Variants in ANKRD11 observed in about 807,000 individuals in gnomAD.
ANKRD11 encodes ankyrin repeat domain-containing protein 11.
In ANKRD11, 17 loss-of-function variants were observed where a neutral mutation model predicts 195.7. That is an observed-to-expected ratio of 0.09 (90% CI 0.06 to 0.13). The LOEUF (loss-of-function observed/expected upper bound fraction) is 0.13. Ranked by LOEUF, ANKRD11 falls within the 10% of genes least tolerant of loss-of-function variation. The pLI, the probability that ANKRD11 is intolerant of heterozygous loss-of-function variation, is 1.00. For synonymous variants in ANKRD11, 1,953 were observed against 1,528.1 expected, an observed-to-expected ratio of 1.28 and a Z score of -6.49; for missense variants, 3,735 against 3,566.1, an observed-to-expected ratio of 1.05 and a Z score of -1.21.
At position 89,415,829 on chromosome 16, in the gene ANKRD11, C is replaced by CAAAAAAAAAAAAAAAAAAAAAAAAAAAA. The variant is rs71134220; in HGVS notation, c.-60+2454_-60+2455insTTTTTTTTTTTTTTTTTTTTTTTTTTTT. Among the ~76,000 whole-genome samples the CAAAAAAAAAAAAAAAAAAAAAAAAAAAA allele has an allele frequency of 3.3e-3, 133 of 39,710 alleles. 14 individuals carry two copies. Among genetic ancestry groups the CAAAAAAAAAAAAAAAAAAAAAAAAAAAA allele is most frequent in the Non-Finnish European group, 4.4e-3 (94 of 21,188 alleles). 26.1% of individuals were successfully genotyped at this position (39,710 alleles called of 152,430 possible). On this transcript the variant is annotated intron_variant, in intron 2 of 12. Coordinates refer to ENST00000301030, the MANE Select transcript of ANKRD11 (RefSeq NM_013275.6). ...TGCACAACAAAGCTAGACTCTGTCT[C>CAAAAAAAAAAAAAAAAAAAAAAAAAAAA]AAAAAAAAAAAAAAAAAAAAACAAT...
intron 2 of ANKRD11, among the ~76,000 whole-genome samples, chr16:89,334,172 A>AAG (rs1555545552): frequency 6.7e-6 from 1 of 148,974 alleles, no homozygotes; most frequent in African/African-American, 2.5e-5. Flanking sequence ...AAAAAAAAAA[A>AAG]ACAGAGAGAG....
At chr16:89,307,119 C>G (rs1212502930) in intron 3 of ANKRD11, among the ~76,000 whole-genome samples, 2 of 152,150 alleles carry the variant, frequency 1.3e-5, no homozygotes, top group South Asian at 4.1e-4. Flanking sequence ...ACACACACTG[C>G]CTTTCCCCAT....
At chr16:89,339,823 G>A (rs1031979362) in intron 2 of ANKRD11, 5 of 152,104 alleles carry the variant, frequency 3.3e-5, no homozygotes, top group African/African-American at 1.2e-4. Context: ...CCTCAGCGTC[G>A]ATCTGATTTT....
chr16:89,310,281 C>G (rs2036539276), intron 3 of ANKRD11, among the ~76,000 whole-genome samples: 1 of 152,194 alleles, frequency 6.6e-6, no homozygotes, highest in African/African-American at 2.4e-5. Context: ...GAGCTCTCTT[C>G]TGTTCCACTC....
At chr16:89,398,529 C>A (rs549198808) in intron 2 of ANKRD11, among the ~76,000 whole-genome samples, 1 of 152,142 alleles carries the variant, frequency 6.6e-6, no homozygotes, top group Admixed American at 6.5e-5. Flanking sequence ...CCAGCCTGGG[C>A]AACACAGGGA....
chr16:89,344,943 T>C (rs1158147111), intron 2 of ANKRD11, among the ~76,000 whole-genome samples: 1 of 152,158 alleles, frequency 6.6e-6, no homozygotes, highest in African/African-American at 2.4e-5. Context: ...TGAAAAAGAA[T>C]GGTTGGCAGA....
intron 1 of ANKRD11, among the ~76,000 whole-genome samples, chr16:89,428,185 G>T (rs1019733464): frequency 2.6e-5 from 4 of 151,730 alleles, no homozygotes; most frequent in African/African-American, 9.7e-5. Context: ...TACAGCCTAG[G>T]CAGCAGAGCA....
Position 89,282,803 on chromosome 16 carries a change from C to G in ANKRD11, c.3739G>C (p.Ala1247Pro). The change falls in exon 9 of 13, where the codon GCT becomes CCT. Residue 1247 changes from alanine to proline, a missense_variant. Coordinates refer to ENST00000301030, the MANE Select transcript of ANKRD11 (RefSeq NM_013275.6). ...TTGCTTTTAGCCTTGTCTTCGGCAG[C>G]GTGCTTCTTTTCAGCCTTCTCGGGG... ...KLPEKAEKKHAAEDKAKSKHK... is the reference protein window; with the variant it reads ...KLPEKAEKKHPAEDKAKSKHK... The G allele has an allele frequency of 6.2e-7, 1 of 1,611,192 alleles. No homozygotes were observed. The highest frequency in any genetic ancestry group is 2.2e-5 in the East Asian group (1 of 44,886).
chr16:89,272,961 GGACACAGAGTAGAAC>G (rs2033296937), intron 11 of ANKRD11: 1 of 151,124 alleles, frequency 6.6e-6, no homozygotes, highest in Non-Finnish European at 1.5e-5. Flanking sequence ...TTGAGCTCAT[GGACACAGAGTAGAAC>G]GACGGTTACC....
intron 1 of ANKRD11, among the ~76,000 whole-genome samples, chr16:89,449,120 G>A (rs1277140815): frequency 6.6e-6 from 1 of 151,382 alleles, no homozygotes; most frequent in African/African-American, 2.4e-5. Context: ...GGAGGCTGAG[G>A]CCGGAGGATT....
chr16:89,413,854 C>A (rs2042193094), intron 2 of ANKRD11, among the ~76,000 whole-genome samples: 1 of 152,176 alleles, frequency 6.6e-6, no homozygotes, highest in East Asian at 1.9e-4. Flanking sequence ...AAGAGCCTCT[C>A]TCTGCTTTCA....
intron 1 of ANKRD11, among the ~76,000 whole-genome samples, chr16:89,451,682 G>A (rs986939667): frequency 2.0e-5 from 3 of 152,066 alleles, no homozygotes; most frequent in Non-Finnish European, 4.4e-5. Flanking sequence ...CTCCCAAAGT[G>A]CTGGGATTAC....
At chr16:89,430,651 G>A (rs111857846) in intron 1 of ANKRD11, among the ~76,000 whole-genome samples, 3,204 of 152,310 alleles carry the variant, frequency 0.021, 106 homozygotes, top group African/African-American at 0.073. Flanking sequence ...TTGGATGAAT[G>A]GCTGATTGGC....
chr16:89,479,597 T>C (rs973206066), intron 1 of ANKRD11, among the ~76,000 whole-genome samples: 10 of 149,742 alleles, frequency 6.7e-5, no homozygotes, highest in Non-Finnish European at 1.2e-4. Context: ...ATCACACCAC[T>C]GCACTCCAGC....
chr16:89,339,450 C>T (rs1038369840), intron 2 of ANKRD11, among the ~76,000 whole-genome samples: 57 of 151,914 alleles, frequency 3.8e-4, no homozygotes, highest in African/African-American at 1.3e-3. Context: ...GCCCCATGGT[C>T]CGAGGAGCCC....
chr16:89,319,947 C>T (rs2037202842), intron 2 of ANKRD11: 1 of 152,436 alleles, frequency 6.6e-6, no homozygotes, highest in African/African-American at 2.4e-5. Flanking sequence ...TGTGTTCCCT[C>T]CACCAGGCTC....
intron 1 of ANKRD11, among the ~76,000 whole-genome samples, chr16:89,486,957 C>T (rs370771863): frequency 6.7e-6 from 1 of 148,922 alleles, no homozygotes; most frequent in African/African-American, 2.5e-5. Flanking sequence ...TGCAGTGAGT[C>T]GAGATCATGC....
chr16:89,427,772 C>T (rs1324086491), intron 1 of ANKRD11, among the ~76,000 whole-genome samples: 1 of 151,156 alleles, frequency 6.6e-6, no homozygotes, highest in African/African-American at 2.4e-5. Context: ...ACATTCCAGC[C>T]TGGGAGACAG....
At chr16:89,462,286 G>A (rs1254260692) in intron 1 of ANKRD11, among the ~76,000 whole-genome samples, 1 of 152,092 alleles carries the variant, frequency 6.6e-6, no homozygotes, top group Non-Finnish European at 1.5e-5. Flanking sequence ...GGCCAGGCCG[G>A]TCTCCAGCCC....
Sources: gnomAD v4.1 joint callset for allele counts (sites outside exome capture counted in the v4.1 genomes callset) on GRCh38, gnomAD v4.1.1 for gene constraint, MANE v1.5 for transcripts, NCBI Gene and HGNC (gene_info 2026-07-23, HGNC 2026-07-21) for gene names.